Variants in CNTN1 observed in about 807,000 individuals in gnomAD.
CNTN1 encodes the protein contactin 1, also known as contactin-1.
CNTN1 carries 38 observed loss-of-function variants against 126.4 expected under a neutral mutation model. That is an observed-to-expected ratio of 0.30 (90% CI 0.23 to 0.39). The LOEUF is 0.39. CNTN1 is among the 10% of genes least tolerant of loss of function. CNTN1 has a pLI of 1.00. For synonymous variants in CNTN1, 413 were observed against 422.6 expected, an observed-to-expected ratio of 0.98 and a Z score of 0.28; for missense variants, 1,009 against 1,248.4, an observed-to-expected ratio of 0.81 and a Z score of 2.89.
chr12:40,907,366 CTT>C (rs1039305008), intron 1 of CNTN1, among the ~76,000 whole-genome samples: 5 of 152,204 alleles, frequency 3.3e-5, no homozygotes, highest in Non-Finnish European at 1.5e-5. Context: ...TCTGTGTACT[CTT>C]TTTCTGTGAA....
chr12:40,872,503 C>G (rs532184104), intron 1 of CNTN1, among the ~76,000 whole-genome samples: 32 of 151,294 alleles, frequency 2.1e-4, no homozygotes, highest in African/African-American at 7.3e-4. Flanking sequence ...ATTCAAATGG[C>G]CTTTGAAATA....
intron 1 of CNTN1, among the ~76,000 whole-genome samples, chr12:40,859,343 A>G (rs1349425072): frequency 2.0e-5 from 3 of 152,232 alleles, no homozygotes; most frequent in Middle Eastern, 6.8e-3. Context: ...TGGCTCATCA[A>G]TTGTAACAAA....
chr12:40,759,313 C>T (rs972676751), intron 1 of CNTN1, among the ~76,000 whole-genome samples: 3 of 152,080 alleles, frequency 2.0e-5, no homozygotes, highest in African/African-American at 4.8e-5. Context: ...TAGAACTGAG[C>T]CCTGATTGGC....
At chr12:41,043,700 G>A (rs1361901608) in intron 23 of CNTN1, among the ~76,000 whole-genome samples, 2 of 151,938 alleles carry the variant, frequency 1.3e-5, no homozygotes, top group Admixed American at 1.3e-4. Context: ...ACATGCACAC[G>A]TATGTTTATA....
At chr12:40,846,119 C>T (rs570505104) in intron 1 of CNTN1, among the ~76,000 whole-genome samples, 2 of 152,066 alleles carry the variant, frequency 1.3e-5, no homozygotes, top group African/African-American at 4.8e-5. Context: ...TAAACTCATA[C>T]AGATAATTGA....
chr12:40,826,255 TTCTA>T (rs1181144519), intron 1 of CNTN1, among the ~76,000 whole-genome samples: 1 of 152,150 alleles, frequency 6.6e-6, no homozygotes, highest in Non-Finnish European at 1.5e-5. Context: ...ATGAAATTGA[TTCTA>T]TATATGATTA....
intron 1 of CNTN1, among the ~76,000 whole-genome samples, chr12:40,815,014 C>T (rs1325323953): frequency 6.6e-6 from 1 of 151,356 alleles, no homozygotes; most frequent in Admixed American, 6.6e-5. Flanking sequence ...TTTGTGTCTA[C>T]CCTTGTGACA....
At chr12:40,943,441 C>G (rs187143253) in intron 12 of CNTN1, among the ~76,000 whole-genome samples, 156 bp from the exon 13 acceptor site, 35 of 152,058 alleles carry the variant, frequency 2.3e-4, no homozygotes, top group Admixed American at 1.4e-3. Context: ...AATATTATAA[C>G]TAAAGGCTAG....
At chr12:40,984,622 C>T (rs1385621252) in intron 16 of CNTN1, among the ~76,000 whole-genome samples, 1 of 152,150 alleles carries the variant, frequency 6.6e-6, no homozygotes, top group East Asian at 1.9e-4. Context: ...GGAATCCACC[C>T]CCATGACCCA....
intron 1 of CNTN1, among the ~76,000 whole-genome samples, chr12:40,811,414 G>C (rs999349812): frequency 2.0e-5 from 3 of 152,072 alleles, no homozygotes; most frequent in Non-Finnish European, 4.4e-5. Context: ...GATAAAGCTG[G>C]CCTCATTAAA....
chr12:40,976,808 C>T (rs1054492085), intron 15 of CNTN1, among the ~76,000 whole-genome samples: 15 of 152,130 alleles, frequency 9.9e-5, no homozygotes, highest in African/African-American at 1.9e-4. Context: ...GAAGTCCGAC[C>T]GTCCACGTTT....
rs568377222 is a variant in CNTN1 at position 40,846,200 on chromosome 12, A to G, written c.-76-62157A>G. Among the ~76,000 whole-genome samples, 119 of 152,234 alleles carry G rather than the reference A, an allele frequency of 7.8e-4. 1 individual carries two copies. The highest frequency in any genetic ancestry group is 2.6e-3 in the African/African-American group (110 of 41,576). On this transcript the variant is annotated intron_variant, in intron 1 of 23. Coordinates refer to ENST00000551295, the MANE Select transcript of CNTN1 (RefSeq NM_001843.4). ...GCAGGGATTGGGGTGAGGGTAAAAAAAAAATGGCTCACGCCTGTAATCCCA... is the reference window on the plus strand; with the variant it reads ...GCAGGGATTGGGGTGAGGGTAAAAAGAAAATGGCTCACGCCTGTAATCCCA...
chr12:40,974,986 T>C (rs1947630890), intron 15 of CNTN1, among the ~76,000 whole-genome samples: 1 of 151,758 alleles, frequency 6.6e-6, no homozygotes, highest in African/African-American at 2.4e-5. Context: ...ATCCAGGTAA[T>C]TACTTGGAAG....
At chr12:40,780,811 G>A (rs920796438) in intron 1 of CNTN1, among the ~76,000 whole-genome samples, 1 of 150,828 alleles carries the variant, frequency 6.6e-6, no homozygotes, top group East Asian at 1.9e-4. Flanking sequence ...TTTTTCAGAG[G>A]TTCAGGGTTT....
intron 20 of CNTN1, 43 bp downstream of exon 20, chr12:41,020,483 T>C: frequency 1.6e-6 from 2 of 1,226,140 alleles, no homozygotes; most frequent in East Asian, 4.9e-5. Context: ...TATTCATAAA[T>C]ATATAAGCAT....
At chr12:40,961,474 T>G (rs1947105027) in intron 15 of CNTN1, among the ~76,000 whole-genome samples, 1 of 152,052 alleles carries the variant, frequency 6.6e-6, no homozygotes, top group African/African-American at 2.4e-5. Flanking sequence ...ATGCCCTGCC[T>G]TAAGTGATAT....
intron 1 of CNTN1, among the ~76,000 whole-genome samples, chr12:40,906,129 G>T (rs1464084746): frequency 1.3e-5 from 2 of 152,046 alleles, no homozygotes; most frequent in African/African-American, 4.8e-5. Context: ...AAATTAGCCG[G>T]GCGTGGTGGT....
intron 1 of CNTN1, among the ~76,000 whole-genome samples, chr12:40,743,035 C>A (rs1938016158): frequency 6.6e-6 from 1 of 152,012 alleles, no homozygotes; most frequent in South Asian, 2.1e-4. Flanking sequence ...GCGAGCAGGA[C>A]AAATTATTCT....
chr12:40,766,433 C>G (rs1326930686), intron 1 of CNTN1, among the ~76,000 whole-genome samples: 7 of 151,328 alleles, frequency 4.6e-5, no homozygotes, highest in Non-Finnish European at 8.8e-5. Context: ...TCTAAAGGCT[C>G]AGAGGCAGAG....
Sources: allele counts gnomAD v4.1 joint callset (sites outside exome capture counted in the v4.1 genomes callset), GRCh38; gene constraint gnomAD v4.1.1; transcripts MANE v1.5; gene names NCBI Gene and HGNC (gene_info 2026-07-23, HGNC 2026-07-21).